The following SHISAL1 variants were observed in gnomAD, a reference collection of about 807,000 sequenced individuals.
SHISAL1 encodes the protein protein shisa-like-1.
SHISAL1 carries 9 observed loss-of-function variants against 22.6 expected under a neutral mutation model. The observed-to-expected ratio is 0.40, with a 90% confidence interval of 0.24 to 0.70. The LOEUF (loss-of-function observed/expected upper bound fraction) is 0.70. Ranked by LOEUF, SHISAL1 falls within the 30% of genes least tolerant of loss-of-function variation. SHISAL1 has a pLI of 0.39. For synonymous variants in SHISAL1, 119 were observed against 115.4 expected, an observed-to-expected ratio of 1.03 and a Z score of -0.20; for missense variants, 246 against 270.6, an observed-to-expected ratio of 0.91 and a Z score of 0.64.
chr22:44,262,491 G>A (rs1184723821), intron 4 of SHISAL1, among the ~76,000 whole-genome samples: 2 of 152,210 alleles, frequency 1.3e-5, no homozygotes, highest in African/African-American at 2.4e-5. Flanking sequence ...CCTCCCATGC[G>A]TGTGGAGCCT....
intron 1 of SHISAL1, among the ~76,000 whole-genome samples, chr22:44,304,035 G>A (rs1217064720): frequency 6.6e-6 from 1 of 152,240 alleles, no homozygotes; most frequent in Non-Finnish European, 1.5e-5. Flanking sequence ...GGTGGAAGAT[G>A]ATGGGCAGTC....
intron 1 of SHISAL1, among the ~76,000 whole-genome samples, chr22:44,304,806 T>C (rs1323030894): frequency 6.6e-6 from 1 of 152,072 alleles, no homozygotes; most frequent in African/African-American, 2.4e-5. Flanking sequence ...ATGGGGAAGC[T>C]GAGGCCCAAT....
chr22:44,304,874 C>A (rs936732716), intron 1 of SHISAL1, among the ~76,000 whole-genome samples: 6 of 152,186 alleles, frequency 3.9e-5, no homozygotes, highest in African/African-American at 1.2e-4. Context: ...GGTGGGGCTG[C>A]CCCACTTCTG....
In SHISAL1 at chr22:44,296,824, A is replaced by G. The variant is rs2147299098; in HGVS notation, c.129T>C (p.Phe43=). The stretch of plus-strand genomic sequence containing the variant: ...CCGAGAGCCGGGGGCAGTGGAAGCC[A>G]AAGTGGTAGCGGCCTTTGTGGTCTG... ...PYTDHKGRYH[F]GFHCPRLSDN... is the part of the protein sequence containing the mutation. The change falls in exon 3 of 5, where the codon TTT becomes TTC. Residue 43 remains phenylalanine (F), a synonymous_variant. Coordinates refer to ENST00000381176, the MANE Select transcript of SHISAL1 (RefSeq NM_001099294.2). The G allele has an allele frequency of 6.2e-7, 1 of 1,613,722 alleles. No individual in the cohort carries two copies. The highest frequency in any genetic ancestry group is 8.5e-7 in the Non-Finnish European group (1 of 1,180,036).
Position 44,249,566 on chromosome 22 carries a change from T to A in SHISAL1, c.*119A>T. ...TTTGGGCACAGGCAGCATTTCCTCCTGTGCCACCGCCGCTACCTCGGCTGT... is the reference window on the plus strand; with the variant it reads ...TTTGGGCACAGGCAGCATTTCCTCCAGTGCCACCGCCGCTACCTCGGCTGT... On this transcript the variant is annotated 3_prime_UTR_variant, in exon 5 of 5. Transcript: ENST00000381176. 1 of 677,936 alleles carries A rather than the reference T, an allele frequency of 1.5e-6. No individual in the cohort carries two copies. The highest frequency in any genetic ancestry group is 2.8e-6 in the Non-Finnish European group (1 of 357,966). The allele number at this position is 677,936 out of a possible 1,614,324, so 42.0% of individuals were successfully genotyped here.
intron 4 of SHISAL1, among the ~76,000 whole-genome samples, chr22:44,275,320 C>T (rs958170201): frequency 2.6e-5 from 4 of 152,204 alleles, no homozygotes; most frequent in African/African-American, 9.7e-5. Context: ...CGCACCCCAA[C>T]CGAGCACACA....
At chr22:44,303,219 C>T (rs1034635881) in intron 1 of SHISAL1, among the ~76,000 whole-genome samples, 1 of 151,964 alleles carries the variant, frequency 6.6e-6, no homozygotes, top group Non-Finnish European at 1.5e-5. Flanking sequence ...GTACTGTACC[C>T]CATCCTCTCC....
chr22:44,261,073 TAC>T (rs2055119337), intron 4 of SHISAL1, among the ~76,000 whole-genome samples: 1 of 65,978 alleles, frequency 1.5e-5, no homozygotes, highest in African/African-American at 6.8e-5. Context: ...TTTGCTTCAT[TAC>T]TTTATATATA....
chr22:44,244,463 T>TGTCA lies in SHISAL1; in HGVS notation c.*5218_*5221dup, dbSNP rs2054981367. On this transcript the variant is annotated 3_prime_UTR_variant, in exon 5 of 5. Transcript: ENST00000381176. Reference sequence around the variant, plus strand: ...GATTTCAGTCTGTCAAGGGCAAATCTGTCAGGGCTTTGATGTAAAGATAGG... The same window carrying TGTCA: ...GATTTCAGTCTGTCAAGGGCAAATCTGTCAGTCAGGGCTTTGATGTAAAGATAGG... 1 of 152,178 alleles carries TGTCA rather than the reference T, an allele frequency of 6.6e-6. No homozygotes were observed. The highest frequency in any genetic ancestry group is 1.5e-5 in the Non-Finnish European group (1 of 68,040). The allele number at this position is 152,178 out of a possible 1,614,324, so 9.4% of individuals were successfully genotyped here.
At chr22:44,289,290 C>A (rs2055336670) in intron 3 of SHISAL1, among the ~76,000 whole-genome samples, 1 of 152,140 alleles carries the variant, frequency 6.6e-6, no homozygotes, top group Admixed American at 6.5e-5. Context: ...TCTCTGACTT[C>A]AAGTGAGCTG....
intron 4 of SHISAL1, among the ~76,000 whole-genome samples, chr22:44,249,986 T>G (rs2055036077): frequency 6.6e-6 from 1 of 152,156 alleles, no homozygotes; most frequent in Non-Finnish European, 1.5e-5. Flanking sequence ...CATAGAAAAT[T>G]TAACAGAATC....
intron 4 of SHISAL1, among the ~76,000 whole-genome samples, chr22:44,269,200 C>T (rs1255360648): frequency 6.6e-6 from 1 of 151,206 alleles, no homozygotes; most frequent in African/African-American, 2.4e-5. Flanking sequence ...CATACAGACC[C>T]TCACAATATA....
chr22:44,312,362 C>G (rs544254050), intron 1 of SHISAL1, among the ~76,000 whole-genome samples: 1 of 152,318 alleles, frequency 6.6e-6, no homozygotes, highest in South Asian at 2.1e-4. Flanking sequence ...AGAGCACTCC[C>G]TAGGCCATGC....
intron 4 of SHISAL1, among the ~76,000 whole-genome samples, chr22:44,265,953 G>T (rs2055158453): frequency 6.6e-6 from 1 of 152,212 alleles, no homozygotes; most frequent in South Asian, 2.1e-4. Context: ...GGGATGTGTG[G>T]GTTCCCCCAG....
At chr22:44,314,269 T>C (rs920020141), upstream of SHISAL1, among the ~76,000 whole-genome samples, 1 of 152,100 alleles carries the variant, frequency 6.6e-6, no homozygotes, top group Admixed American at 6.5e-5. Context: ...CTGCCTCTTG[T>C]CTGGGGCTCA....
intron 4 of SHISAL1, among the ~76,000 whole-genome samples, chr22:44,267,938 T>C (rs1297386573): frequency 6.6e-6 from 1 of 152,224 alleles, no homozygotes; most frequent in Non-Finnish European, 1.5e-5. Flanking sequence ...GCAGGCCCTC[T>C]GGGAGTCTCC....
rs1216581793 is a variant in SHISAL1, at chr22:44,247,363, G to C, written c.*2322C>G. 3 of 152,336 alleles carry C rather than the reference G, an allele frequency of 2.0e-5. No individual in the cohort carries two copies. Among genetic ancestry groups the C allele is most frequent in the Non-Finnish European group, 4.4e-5 (3 of 68,130 alleles). 9.4% of individuals were successfully genotyped at this position (152,336 alleles called of 1,614,324 possible). A position where few individuals can be genotyped will look rare whatever the true frequency, so the allele number is the denominator to read the frequency against. On this transcript the variant is annotated 3_prime_UTR_variant, in exon 5 of 5. Transcript: ENST00000381176. Reference sequence around the variant, plus strand: ...CACCTCAAGGCTTCCTCTGCCTTCTGAGGCACTGCACGTGGGACACAGCTG... The same window carrying C: ...CACCTCAAGGCTTCCTCTGCCTTCTCAGGCACTGCACGTGGGACACAGCTG...
Position 44,274,124 on chromosome 22 carries a change from T to A in SHISAL1, c.599+11304A>T, listed in dbSNP as rs531524531. Among the ~76,000 whole-genome samples, 3 of 141,496 alleles carry A rather than the reference T, an allele frequency of 2.1e-5. No homozygotes were observed. The South Asian group carries it at 7.3e-4, about 35-fold the overall frequency. 92.8% of individuals were successfully genotyped at this position (141,496 alleles called of 152,430 possible). A position where few individuals can be genotyped will look rare whatever the true frequency, so the allele number is the denominator to read the frequency against. The stretch of plus-strand genomic sequence containing the variant: ...AGGCGGACGTGGTGGTGGGTGTCTG[T>A]AATCCCAGCTACTCGGGAAGCCAAG... On this transcript the variant is annotated intron_variant, in intron 4 of 4. Transcript: ENST00000381176.
At chr22:44,275,243 G>T (rs1350179455) in intron 4 of SHISAL1, among the ~76,000 whole-genome samples, 1 of 152,200 alleles carries the variant, frequency 6.6e-6, no homozygotes, top group Non-Finnish European at 1.5e-5. Flanking sequence ...GATTCCCAGG[G>T]CTGGGAAAGA....
Sources: gnomAD v4.1 joint callset for allele counts (sites outside exome capture counted in the v4.1 genomes callset) on GRCh38, gnomAD v4.1.1 for gene constraint, MANE v1.5 for transcripts, NCBI Gene and HGNC (gene_info 2026-07-23, HGNC 2026-07-21) for gene names.